Variants in DCLK3 observed in about 807,000 individuals in gnomAD.
DCLK3 encodes serine/threonine-protein kinase DCLK3.
A neutral mutation model predicts 46.4 loss-of-function variants in DCLK3; 30 were observed. The ratio of observed to expected loss-of-function variants is 0.65; its 90% CI spans 0.48 to 0.88. The LOEUF (loss-of-function observed/expected upper bound fraction) is 0.88, where lower values mean the gene tolerates loss of function less well. Ranked by LOEUF, DCLK3 falls within the 40% of genes least tolerant of loss-of-function variation. DCLK3 has a pLI of 0.00. For missense variants in DCLK3, 846 were observed against 907.1 expected (o/e 0.93, Z 0.87); for synonymous variants, 401 against 339.2 (o/e 1.18, Z -2.00).
At chr3:36,750,880 A>C (rs1221988536) in intron 1 of DCLK3, among the ~76,000 whole-genome samples, 1 of 152,068 alleles carries the variant, frequency 6.6e-6, no homozygotes, top group African/African-American at 2.4e-5. Context: ...ATCCAGAGAA[A>C]ACAGAGCAGC....
intron 3 of DCLK3, among the ~76,000 whole-genome samples, chr3:36,719,961 C>T (rs1282160699): frequency 6.6e-6 from 1 of 152,198 alleles, no homozygotes; most frequent in African/African-American, 2.4e-5. Flanking sequence ...ACCAGTCTTC[C>T]CATTTGTGGA....
intron 2 of DCLK3, among the ~76,000 whole-genome samples, chr3:36,722,626 T>C (rs1402661264): frequency 6.6e-6 from 1 of 152,176 alleles, no homozygotes; most frequent in Non-Finnish European, 1.5e-5. Context: ...TGGGAGTGGG[T>C]CTTTCCCATG....
intron 1 of DCLK3, among the ~76,000 whole-genome samples, chr3:36,739,362 G>T (rs1701319547): frequency 6.6e-6 from 1 of 152,200 alleles, no homozygotes; most frequent in South Asian, 2.1e-4. Flanking sequence ...AGCTGATACA[G>T]TTTGGCTCTG....
At chr3:36,729,036 G>A (rs1212779868) in intron 2 of DCLK3, among the ~76,000 whole-genome samples, 1 of 152,148 alleles carries the variant, frequency 6.6e-6, no homozygotes, top group East Asian at 1.9e-4. Context: ...GTAAAGTTCT[G>A]GATGGCCCCC....
chr3:36,737,994 G>T lies in DCLK3; in HGVS notation c.1173C>A (p.Asp391Glu), dbSNP rs767479110. 5 of 1,613,974 alleles carry T rather than the reference G, an allele frequency of 3.1e-6. No individual in the cohort carries two copies. In the Admixed American group the frequency reaches 6.7e-5, roughly 22 times the overall value. The change falls in exon 2 of 5, where the codon GAC becomes GAA. Residue 391 changes from aspartate (D) to glutamate (E), a missense_variant. By Grantham distance (45) the Asp-to-Glu change is conservative. Coordinates refer to ENST00000636136, the MANE Select transcript of DCLK3 (RefSeq NM_001394672.2). This position sits in a 1 kb window ranked among gnomAD's most constrained non-coding sequence, Gnocchi z 4.4. ...QELRRPSKSM[D>E]KKEDRGPEDQ... ...CCTCTGGGCCTCTGTCCTCTTTCTT[G>T]TCCATGCTCTTGCTGGGTCTCCTCA... is the stretch of plus-strand genomic sequence containing the variant.
intron 1 of DCLK3, among the ~76,000 whole-genome samples, chr3:36,763,670 G>A (rs1169343170): frequency 1.3e-5 from 2 of 152,236 alleles, no homozygotes; most frequent in African/African-American, 4.8e-5. Flanking sequence ...GTGTGACCCT[G>A]GGCAAGGCAC....
chr3:36,738,281 C>G lies in DCLK3; in HGVS notation c.886G>C (p.Val296Leu). Residue 296 changes from valine (V) to leucine (L), a missense_variant, in exon 2 of 5, where the codon GTG becomes CTG. Physicochemically the swap from Val to Leu is conservative, Grantham distance 32. This residue lies in a region of DCLK3 where 553 missense variants were observed against 543.0 expected (regional missense o/e 1.02). Coordinates refer to ENST00000636136, the MANE Select transcript of DCLK3 (RefSeq NM_001394672.2). ...TCACCCGAGGTCTTTTCAATCTCCACCCCAAGATGCTTCTCTCCCCTTGCG... is the reference window on the plus strand; with the variant it reads ...TCACCCGAGGTCTTTTCAATCTCCAGCCCAAGATGCTTCTCTCCCCTTGCG... ...RHARGEKHLG[V>L]EIEKTSGEII... is the part of the protein sequence containing the mutation. 6.5e-7 allele frequency: 1 copy of G among 1,528,550 alleles called. No homozygotes were observed. Among genetic ancestry groups the G allele is most frequent in the Non-Finnish European group, 8.8e-7 (1 of 1,140,594 alleles). 94.7% of individuals were successfully genotyped at this position (1,528,550 alleles called of 1,614,324 possible).
chr3:36,717,472 G>A (rs1336951601), intron 4 of DCLK3, among the ~76,000 whole-genome samples: 1 of 152,158 alleles, frequency 6.6e-6, no homozygotes, highest in Non-Finnish European at 1.5e-5. Context: ...AGGACAGTGA[G>A]TAGTACAGAC....
At chr3:36,754,464 A>G (rs1701469337) in intron 1 of DCLK3, among the ~76,000 whole-genome samples, 1 of 152,232 alleles carries the variant, frequency 6.6e-6, no homozygotes, top group Admixed American at 6.5e-5. Context: ...CTTTAACATT[A>G]CTGAAGAGGT....
intron 1 of DCLK3, among the ~76,000 whole-genome samples, chr3:36,757,182 C>T (rs915475991): frequency 8.6e-5 from 13 of 152,020 alleles, no homozygotes; most frequent in South Asian, 2.1e-4. Flanking sequence ...GGTTTATTTT[C>T]GGTTTGTGAA....
chr3:36,718,024 T>C lies in DCLK3; in HGVS notation c.2246A>G (p.Asp749Gly). The change falls in exon 4 of 5, where the codon GAC (aspartate) becomes GGC (glycine). Residue 749 changes from aspartate to glycine, a missense_variant. This residue lies in a region of DCLK3 where 247 missense variants were observed against 322.8 expected (regional missense o/e 0.77). Coordinates refer to ENST00000636136, the MANE Select transcript of DCLK3 (RefSeq NM_001394672.2). ...GHFEFLPPYWDNISDAAKDLV... is the reference protein window; with the variant it reads ...GHFEFLPPYWGNISDAAKDLV... Reference sequence around the variant, plus strand: ...CCAAATCTCACCATCAGAGATATTGTCCCAGTAAGGGGGGAGGAACTCAAA... The same window carrying C: ...CCAAATCTCACCATCAGAGATATTGCCCCAGTAAGGGGGGAGGAACTCAAA... 1 of 1,614,098 alleles carries C rather than the reference T, an allele frequency of 6.2e-7. No individual in the cohort carries two copies. Among genetic ancestry groups the C allele is most frequent in the Non-Finnish European group, 8.5e-7 (1 of 1,179,988 alleles).
chr3:36,732,378 A>G (rs1472834994), intron 2 of DCLK3, among the ~76,000 whole-genome samples: 2 of 152,348 alleles, frequency 1.3e-5, no homozygotes, highest in Non-Finnish European at 1.5e-5. Flanking sequence ...CTGGAAATAC[A>G]TAAGTTCACT....
intron 1 of DCLK3, among the ~76,000 whole-genome samples, chr3:36,740,240 G>C (rs1701330532): frequency 1.3e-5 from 2 of 148,986 alleles, no homozygotes; most frequent in Non-Finnish European, 3.0e-5. Context: ...CTGACACATA[G>C]TAAGGACATA....
At chr3:36,723,812 G>A (rs1371257209) in intron 2 of DCLK3, among the ~76,000 whole-genome samples, 3 of 152,222 alleles carry the variant, frequency 2.0e-5, no homozygotes, top group Non-Finnish European at 2.9e-5. Context: ...TTCTCATGGA[G>A]ACTCTCTGCT....
intron 2 of DCLK3, among the ~76,000 whole-genome samples, chr3:36,728,068 C>T (rs1244894411): frequency 6.6e-6 from 1 of 152,214 alleles, no homozygotes; most frequent in African/African-American, 2.4e-5. Flanking sequence ...AATGAAATCT[C>T]AAAATGGAAA....
chr3:36,749,630 C>CTG (rs1334538516), intron 1 of DCLK3, among the ~76,000 whole-genome samples: 1 of 152,214 alleles, frequency 6.6e-6, no homozygotes, highest in East Asian at 1.9e-4. Context: ...AAGACTCTCA[C>CTG]ACCTCGTTTA....
At position 36,718,035 on chromosome 3, in the gene DCLK3, G is replaced by C. The variant is rs530447954; in HGVS notation, c.2235C>G (p.Pro745=). Residue 745 remains proline, a synonymous_variant, in exon 4 of 5, where the codon CCC becomes CCG. Coordinates refer to ENST00000636136, the MANE Select transcript of DCLK3 (RefSeq NM_001394672.2). Reference sequence around the variant, plus strand: ...CATCAGAGATATTGTCCCAGTAAGGGGGGAGGAACTCAAAGTGGCCCAGCT... The same window carrying C: ...CATCAGAGATATTGTCCCAGTAAGGCGGGAGGAACTCAAAGTGGCCCAGCT... ...IIQLGHFEFL[P]PYWDNISDAA... 32 of 1,614,112 alleles carry C rather than the reference G, an allele frequency of 2.0e-5. No homozygotes were observed. The African/African-American group carries it at 3.6e-4, about 18-fold the overall frequency.
chr3:36,734,850 C>T (rs1168062957), intron 2 of DCLK3, among the ~76,000 whole-genome samples: 1 of 152,166 alleles, frequency 6.6e-6, no homozygotes, highest in African/African-American at 2.4e-5. Flanking sequence ...ATATTCCTTG[C>T]TGTTTTCCTA....
intron 1 of DCLK3, among the ~76,000 whole-genome samples, chr3:36,739,379 C>T (rs1701319738): frequency 6.6e-6 from 1 of 152,186 alleles, no homozygotes; most frequent in African/African-American, 2.4e-5. Flanking sequence ...TCTGTGTCCC[C>T]ACCCAAATCT....
Sources: gnomAD v4.1 joint callset for allele counts (sites outside exome capture counted in the v4.1 genomes callset) on GRCh38, gnomAD v4.1.1 for gene constraint, gnomAD v4.1.1 regional missense constraint, Gnocchi (gnomAD v3.1) non-coding constraint, MANE v1.5 for transcripts, NCBI Gene and HGNC (gene_info 2026-07-23, HGNC 2026-07-21) for gene names.